Variants in PIK3C2B observed in about 807,000 individuals in gnomAD.
PIK3C2B encodes the protein phosphatidylinositol-4-phosphate 3-kinase catalytic subunit type 2 beta.
A neutral mutation model predicts 184.3 loss-of-function variants in PIK3C2B; 83 were observed. The observed-to-expected ratio is 0.45, with a 90% confidence interval of 0.38 to 0.54. The LOEUF (loss-of-function observed/expected upper bound fraction) is 0.54. PIK3C2B is among the 20% of genes least tolerant of loss of function. PIK3C2B has a pLI of 0.00. For missense variants in PIK3C2B, 1,736 were observed against 2,113.5 expected (o/e 0.82, Z 3.50); for synonymous variants, 779 against 837.6 (o/e 0.93, Z 1.21).
intron 22 of PIK3C2B, among the ~76,000 whole-genome samples, chr1:204,439,292 G>A (rs141430660): frequency 0.015 from 2,240 of 152,196 alleles, 28 homozygotes; most frequent in Middle Eastern, 0.027. Context: ...CATAGCTGCT[G>A]CTCCCTTTGT....
rs776639121 is a variant in PIK3C2B at position 204,438,991 on chromosome 1, G to A, written c.3460C>T (p.Arg1154Trp). 1.9e-5 allele frequency: 31 copies of A among 1,613,976 alleles called. No homozygotes were observed. Among genetic ancestry groups the A allele is most frequent in the East Asian group, 2.2e-5 (1 of 44,906 alleles). The change falls in exon 23 of 33, where the codon CGG becomes TGG. Residue 1154 changes from arginine (R) to tryptophan (W), a missense_variant. By Grantham distance (101) the Arg-to-Trp change is moderately radical. This residue lies in a region of PIK3C2B where 289 missense variants were observed against 380.4 expected (regional missense o/e 0.76). Transcript: ENST00000684373. Reference protein sequence around the residue: ...EHGVTGSFKDRPLADWLQKHN... With the variant: ...EHGVTGSFKDWPLADWLQKHN... ...TTCTGCAGCCAGTCTGCCAGGGGCC[G>A]GTCCTTGAACGAGCCGGTCACCCCA...
intron 19 of PIK3C2B, 89 bp from the exon 20 acceptor site, chr1:204,442,722 A>G (rs755575561): frequency 1.2e-6 from 1 of 865,766 alleles, no homozygotes; most frequent in Non-Finnish European, 1.8e-6. Context: ...TCTCCGTAGT[A>G]GTCGGTATGA....
chr1:204,446,129 G>A lies in PIK3C2B; in HGVS notation c.2505C>T (p.Asp835=). ...KESLYWLTDA[D]KKRLWEKRYY... ...ATCGCTTCTCCCACAGGCGCTTCTTGTCAGCATCAGTGAGCCTGGTGGGCA... is the reference window on the plus strand; with the variant it reads ...ATCGCTTCTCCCACAGGCGCTTCTTATCAGCATCAGTGAGCCTGGTGGGCA... Residue 835 remains aspartate, a synonymous_variant, in exon 16 of 33, where the codon GAC becomes GAT. Coordinates refer to ENST00000684373, the MANE Select transcript of PIK3C2B (RefSeq NM_001377334.1). 6.4e-7 allele frequency: 1 copy of A among 1,563,306 alleles called. No homozygotes were observed.
At chr1:204,485,877 G>A (rs1657547529) in intron 1 of PIK3C2B, among the ~76,000 whole-genome samples, 2 of 151,762 alleles carry the variant, frequency 1.3e-5, no homozygotes, top group Admixed American at 1.3e-4. Flanking sequence ...TTTTATTCAT[G>A]GGGGATGTGC....
intron 30 of PIK3C2B, 74 bp from the exon 31 acceptor site, chr1:204,427,828 G>A: frequency 9.8e-7 from 1 of 1,016,568 alleles, no homozygotes; most frequent in Non-Finnish European, 1.5e-6. Context: ...GAACCCCCTT[G>A]CCCCAGCCTC....
At chr1:204,449,803 C>CT in intron 13 of PIK3C2B, 47 bp downstream of exon 13, 1 of 1,518,480 alleles carries the variant, frequency 6.6e-7, no homozygotes, top group Non-Finnish European at 8.9e-7. Context: ...CTCTGTCCCC[C>CT]TCCTCCCCTT....
intron 1 of PIK3C2B, among the ~76,000 whole-genome samples, chr1:204,493,483 G>A (rs200255121): frequency 4.3e-4 from 1 of 2,304 alleles, no homozygotes; most frequent in South Asian, 0.12. Flanking sequence ...CGGGTGGAGA[G>A]GAGAAAAGGC....
chr1:204,432,215 G>A lies in PIK3C2B; in HGVS notation c.4140C>T (p.His1380=), dbSNP rs2103469907. Residue 1380 remains histidine, a synonymous_variant, in exon 27 of 33, where the codon CAC becomes CAT. Transcript: ENST00000684373. ...VFLCRHEKIF[H]PNKGYIYVVK... The stretch of plus-strand genomic sequence containing the variant: ...AAACACTTACATAGCCTTTGTTGGG[G>A]TGGAAGATCTTCTCATGGCGGCAGA... 7 of 1,613,858 alleles carry A rather than the reference G, an allele frequency of 4.3e-6. No individual in the cohort carries two copies. Among genetic ancestry groups the A allele is most frequent in the Non-Finnish European group, 5.9e-6 (7 of 1,179,862 alleles).
intron 1 of PIK3C2B, among the ~76,000 whole-genome samples, chr1:204,488,699 C>T (rs1657801748): frequency 6.6e-6 from 1 of 152,166 alleles, no homozygotes; most frequent in Non-Finnish European, 1.5e-5. Context: ...CACCACACTC[C>T]ATTCCCCATC....
chr1:204,483,019 C>A (rs1008922106), intron 1 of PIK3C2B, among the ~76,000 whole-genome samples: 2 of 152,074 alleles, frequency 1.3e-5, no homozygotes, highest in African/African-American at 4.8e-5. Context: ...ACTCCCCATC[C>A]CTATTTCCAT....
At chr1:204,476,638 T>C (rs1444578557) in intron 1 of PIK3C2B, among the ~76,000 whole-genome samples, 1 of 152,210 alleles carries the variant, frequency 6.6e-6, no homozygotes, top group Non-Finnish European at 1.5e-5. Flanking sequence ...CAAATAGCCA[T>C]GTCGGTCCCT....
chr1:204,468,904 G>A lies in PIK3C2B; in HGVS notation c.899C>T (p.Thr300Met), dbSNP rs202155405. ...AGAAATCCGGCGGTTCTTGCCAGGC[G>A]TCGCATTCTTTCGGTTGCCATAGCG... ...ASRYGNRKNA[T>M]PGKNRRISAA... is the part of the protein sequence containing the mutation. Residue 300 changes from threonine to methionine, a missense_variant, in exon 2 of 33, where the codon ACG (threonine) becomes ATG (methionine). Physicochemically the swap from Thr to Met is moderately conservative, Grantham distance 81. Around this residue, in one of 8 missense-constraint regions of PIK3C2B, gnomAD observed 404 missense variants for 418.0 expected, o/e 0.97. Transcript: ENST00000684373. 2.1e-5 allele frequency: 33 copies of A among 1,599,762 alleles called. No homozygotes were observed. The highest frequency in any genetic ancestry group is 4.5e-5 in the South Asian group (4 of 89,398).
At chr1:204,438,860 T>C (rs1287708944) in intron 23 of PIK3C2B, 75 bp downstream of exon 23, 11 of 1,523,556 alleles carry the variant, frequency 7.2e-6, no homozygotes, top group African/African-American at 5.5e-5. Flanking sequence ...CAAGTGCAGG[T>C]CTTGTGGTTA....
intron 1 of PIK3C2B, among the ~76,000 whole-genome samples, chr1:204,482,776 G>C (rs987604919): frequency 6.6e-6 from 1 of 151,418 alleles, no homozygotes; most frequent in Non-Finnish European, 1.5e-5. Flanking sequence ...AAAAAAAAAA[G>C]AACTGAGAAA....
Position 204,422,931 on chromosome 1 carries a change from G to A in PIK3C2B, c.*1921C>T, listed in dbSNP as rs1425380542. The A allele has an allele frequency of 6.6e-6, 1 of 152,446 alleles. No homozygotes were observed. The highest frequency in any genetic ancestry group is 1.9e-4 in the East Asian group (1 of 5,198). 9.4% of individuals were successfully genotyped at this position (152,446 alleles called of 1,614,324 possible). ...ATGCTGCCCTGTGGCTTCGGTCAAT[G>A]GAGCTTCTTTCTCCAGTTATGGAAT... On this transcript the variant is annotated 3_prime_UTR_variant, in exon 33 of 33. Coordinates refer to ENST00000684373, the MANE Select transcript of PIK3C2B (RefSeq NM_001377334.1).
At chr1:204,444,190 T>C (rs2103483318) in intron 17 of PIK3C2B, 28 bp from the exon 18 acceptor site, 1 of 1,536,384 alleles carries the variant, frequency 6.5e-7, no homozygotes, top group Non-Finnish European at 9.0e-7. Flanking sequence ...AGAAAGAGAA[T>C]ATGAAGCTTC....
Position 204,424,892 on chromosome 1 carries a change from C to A in PIK3C2B, c.4865G>T (p.Gly1622Val), listed in dbSNP as rs761280372. The change falls in exon 33 of 33, where the codon GGC becomes GTC. Residue 1622 changes from glycine to valine, a missense_variant. Physicochemically the swap from Gly to Val is moderately radical, Grantham distance 109. Transcript: ENST00000684373. ...RELDLAQEKT[G>V]WFALGSRSHG... Reference sequence around the variant, plus strand: ...ACTTCGAGATCCCAGGGCGAACCAGCCGGTCTTCTCCTGAGCCAGGTCCAG... The same window carrying A: ...ACTTCGAGATCCCAGGGCGAACCAGACGGTCTTCTCCTGAGCCAGGTCCAG... 5 of 1,614,220 alleles carry A rather than the reference C, an allele frequency of 3.1e-6. No homozygotes were observed. Among genetic ancestry groups the A allele is most frequent in the Middle Eastern group, 1.6e-4 (1 of 6,062 alleles).
chr1:204,433,954 G>C lies in PIK3C2B; in HGVS notation c.3687-5C>G, dbSNP rs1675209100. 6.2e-7 allele frequency: 1 copy of C among 1,613,176 alleles called. No individual in the cohort carries two copies. The highest frequency in any genetic ancestry group is 1.7e-5 in the Admixed American group (1 of 59,988). ...AAGACAAAGGGGGCACGGTCCCTGA[G>C]CCAAGGGGAACATACAGGTAGAAGG... is the stretch of plus-strand genomic sequence containing the variant. On this transcript the variant is annotated splice_polypyrimidine_tract_variant and splice_region_variant and intron_variant, in intron 24 of 32. Coordinates refer to ENST00000684373, the MANE Select transcript of PIK3C2B (RefSeq NM_001377334.1). This position sits in a 1 kb window ranked among gnomAD's most constrained non-coding sequence, Gnocchi z 5.0.
In PIK3C2B at chr1:204,423,430, G is replaced by C. The variant is rs530756441; in HGVS notation, c.*1422C>G. ...GCCACTACACTCCAGCCTGGCGACA[G>C]GGCGAGACTCCGTCTCCAAAAAAAA... On this transcript the variant is annotated 3_prime_UTR_variant, in exon 33 of 33. Coordinates refer to ENST00000684373, the MANE Select transcript of PIK3C2B (RefSeq NM_001377334.1). 6.7e-6 allele frequency: 1 copy of C among 150,282 alleles called. No homozygotes were observed. The highest frequency in any genetic ancestry group is 2.5e-5 in the African/African-American group (1 of 40,364). 9.3% of individuals were successfully genotyped at this position (150,282 alleles called of 1,614,324 possible).
Sources: allele counts gnomAD v4.1 joint callset (sites outside exome capture counted in the v4.1 genomes callset), GRCh38; gene constraint gnomAD v4.1.1; regional missense constraint gnomAD v4.1.1; non-coding constraint Gnocchi (gnomAD v3.1); transcripts MANE v1.5; gene names NCBI Gene and HGNC (gene_info 2026-07-23, HGNC 2026-07-21).